The following ROR1 variants were observed in gnomAD, a reference collection of about 807,000 sequenced individuals.
ROR1 encodes inactive tyrosine-protein kinase transmembrane receptor ROR1.
ROR1 carries 19 observed loss-of-function variants against 78.8 expected under a neutral mutation model. That is an observed-to-expected ratio of 0.24 (90% confidence interval 0.17 to 0.35). The LOEUF is 0.35. Ranked by LOEUF, ROR1 falls within the 10% of genes least tolerant of loss-of-function variation. The probability of loss-of-function intolerance (pLI) is 1.00; values close to 1 mark genes in which losing one functional copy is unlikely to be tolerated. For missense variants in ROR1, 917 were observed against 1,177.8 expected (o/e 0.78, Z 3.24); for synonymous variants, 386 against 433.6 (o/e 0.89, Z 1.36).
At chr1:63,849,488 A>G (rs1031382199) in intron 1 of ROR1, among the ~76,000 whole-genome samples, 2 of 152,162 alleles carry the variant, frequency 1.3e-5, no homozygotes, top group Non-Finnish European at 2.9e-5. Context: ...ACTTGAGCTC[A>G]GGAGTTTGAG....
intron 1 of ROR1, among the ~76,000 whole-genome samples, chr1:63,993,016 G>A (rs1216018226): frequency 6.6e-6 from 1 of 152,154 alleles, no homozygotes; most frequent in Non-Finnish European, 1.5e-5. Context: ...TGTCCAACAC[G>A]AAGGATTTAA....
At position 63,993,069 on chromosome 1, in the gene ROR1, C is replaced by T. The variant is rs572137150; in HGVS notation, c.92-16236C>T. Among the ~76,000 whole-genome samples, 120 of 152,250 alleles carry T rather than the reference C, an allele frequency of 7.9e-4. 2 individuals carry two copies. In the South Asian group the frequency reaches 0.023, roughly 30 times the overall value. ...ATACAAATATGGACATGCAGCGATA[C>T]CTAAGTGACTGTTTACAGTTCCCCA... On this transcript the variant is annotated intron_variant, in intron 1 of 8. Coordinates refer to ENST00000371079, the MANE Select transcript of ROR1 (RefSeq NM_005012.4).
intron 4 of ROR1, among the ~76,000 whole-genome samples, chr1:64,093,669 C>G (rs1647226217): frequency 6.6e-6 from 1 of 152,036 alleles, no homozygotes; most frequent in African/African-American, 2.4e-5. Context: ...GGTCCTGAAC[C>G]TCTTTTTTTT....
chr1:64,032,344 A>G (rs1646668449), intron 2 of ROR1, among the ~76,000 whole-genome samples: 1 of 150,828 alleles, frequency 6.6e-6, no homozygotes, highest in Non-Finnish European at 1.5e-5. Context: ...CCGTCTCAAA[A>G]AAAAAAAAAA....
intron 1 of ROR1, among the ~76,000 whole-genome samples, chr1:63,992,090 A>C (rs1032958294): frequency 6.6e-6 from 1 of 152,090 alleles, no homozygotes; most frequent in African/African-American, 2.4e-5. Context: ...ACTTAAAAAA[A>C]CCCGACAACC....
rs1347034954 is a variant in ROR1, at chr1:63,876,825, C to T, written c.91+102317C>T. 2.6e-5 allele frequency among the ~76,000 whole-genome samples: 4 copies of T among 151,560 alleles called. No homozygotes were observed. In the South Asian group the frequency reaches 6.3e-4, roughly 24 times the overall value. On this transcript the variant is annotated intron_variant, in intron 1 of 8. Coordinates refer to ENST00000371079, the MANE Select transcript of ROR1 (RefSeq NM_005012.4). ...ACTACACAGCCTCATCCCCTAAAGCCAAAATACAGCAAGTAGAAGACTGCT... is the reference window on the plus strand; with the variant it reads ...ACTACACAGCCTCATCCCCTAAAGCTAAAATACAGCAAGTAGAAGACTGCT...
At chr1:64,019,251 C>T (rs1415521372) in intron 2 of ROR1, among the ~76,000 whole-genome samples, 3 of 152,202 alleles carry the variant, frequency 2.0e-5, no homozygotes, top group African/African-American at 7.2e-5. Context: ...AGGTGCTTGG[C>T]ACTTTGTCAA....
At chr1:63,962,481 G>A (rs1646037242) in intron 1 of ROR1, among the ~76,000 whole-genome samples, 1 of 152,214 alleles carries the variant, frequency 6.6e-6, no homozygotes, top group African/African-American at 2.4e-5. Flanking sequence ...ACCTGGAGAT[G>A]TAAGTACAGA....
chr1:64,017,183 A>C (rs1646528358), intron 2 of ROR1, among the ~76,000 whole-genome samples: 1 of 152,088 alleles, frequency 6.6e-6, no homozygotes, highest in Non-Finnish European at 1.5e-5. Context: ...TGGGATTACA[A>C]GCATGAGCCA....
intron 7 of ROR1, among the ~76,000 whole-genome samples, chr1:64,144,339 A>G (rs1649419104): frequency 6.6e-6 from 1 of 152,204 alleles, no homozygotes; most frequent in Non-Finnish European, 1.5e-5. Flanking sequence ...AGTTCAAGTC[A>G]GGGTCTGGGA....
intron 1 of ROR1, among the ~76,000 whole-genome samples, chr1:63,935,950 T>A (rs855948): frequency 6.6e-6 from 1 of 152,220 alleles, no homozygotes; most frequent in African/African-American, 2.4e-5. Context: ...AAAAAGTCCT[T>A]CAAATTATGA....
intron 4 of ROR1, among the ~76,000 whole-genome samples, chr1:64,055,549 T>C (rs1396767060): frequency 6.6e-6 from 1 of 152,190 alleles, no homozygotes; most frequent in Non-Finnish European, 1.5e-5. Flanking sequence ...GTCACAAAAA[T>C]AGATGTCTAA....
rs114225369 is a variant in ROR1, at chr1:63,956,421, C to A, written c.92-52884C>A. On this transcript the variant is annotated intron_variant, in intron 1 of 8. Coordinates refer to ENST00000371079, the MANE Select transcript of ROR1 (RefSeq NM_005012.4). The stretch of plus-strand genomic sequence containing the variant: ...AACAATCCCAGATTCTTACCCAAGC[C>A]CTGGAAGCTAACTCGTAGGGTCATT... Among the ~76,000 whole-genome samples, 869 of 152,226 alleles carry A rather than the reference C, an allele frequency of 5.7e-3. 6 individuals carry two copies. Among genetic ancestry groups the A allele is most frequent in the African/African-American group, 0.02 (839 of 41,538 alleles).
chr1:63,939,080 G>C (rs761899573), intron 1 of ROR1, among the ~76,000 whole-genome samples: 30 of 152,176 alleles, frequency 2.0e-4, no homozygotes, highest in African/African-American at 3.1e-4. Context: ...ATAATACCCT[G>C]GGTCATTGTC....
At chr1:63,907,112 T>C (rs1375278443) in intron 1 of ROR1, among the ~76,000 whole-genome samples, 3 of 152,236 alleles carry the variant, frequency 2.0e-5, no homozygotes, top group Non-Finnish European at 4.4e-5. Flanking sequence ...GACAGCTCTC[T>C]CCACAGCTTT....
intron 1 of ROR1, among the ~76,000 whole-genome samples, chr1:63,869,468 T>C (rs1404001554): frequency 6.6e-6 from 1 of 152,192 alleles, no homozygotes; most frequent in East Asian, 1.9e-4. Flanking sequence ...TACTATTTTT[T>C]GTCAGGCCTG....
intron 1 of ROR1, among the ~76,000 whole-genome samples, chr1:63,873,042 A>G (rs1237466968): frequency 6.6e-6 from 1 of 152,148 alleles, no homozygotes; most frequent in Non-Finnish European, 1.5e-5. Flanking sequence ...GTGTTCCAAT[A>G]GAGAGGTATT....
chr1:64,074,122 T>C (rs1471495360), intron 4 of ROR1, among the ~76,000 whole-genome samples: 1 of 152,148 alleles, frequency 6.6e-6, no homozygotes, highest in Non-Finnish European at 1.5e-5. Context: ...GCTTTTCCTT[T>C]GCGGAAAACC....
intron 1 of ROR1, among the ~76,000 whole-genome samples, chr1:63,959,615 A>G (rs1449200363): frequency 6.6e-6 from 1 of 152,164 alleles, no homozygotes; most frequent in Non-Finnish European, 1.5e-5. Flanking sequence ...TCACATGTTT[A>G]AAGTTTCTTT....
Sources: allele counts gnomAD v4.1 joint callset (sites outside exome capture counted in the v4.1 genomes callset), GRCh38; gene constraint gnomAD v4.1.1; transcripts MANE v1.5; gene names NCBI Gene and HGNC (gene_info 2026-07-23, HGNC 2026-07-21).